RBFOX1: variants seen among roughly 807,000 people sequenced by gnomAD.
RBFOX1 encodes the protein RNA binding fox-1 homolog 1, also known as RNA binding protein fox-1 homolog 1.
RBFOX1 carries 8 observed loss-of-function variants against 57.7 expected under a neutral mutation model. The ratio of observed to expected loss-of-function variants is 0.14; its 90% CI spans 0.08 to 0.25. The LOEUF (loss-of-function observed/expected upper bound fraction) is 0.25. Among genes scored for constraint, RBFOX1 ranks in the 10% least tolerant of loss-of-function variants. RBFOX1 has a pLI of 1.00. For missense variants in RBFOX1, 611 were observed against 548.5 expected, an observed-to-expected ratio of 1.11 and a Z score of -1.14; for synonymous variants, 326 against 222.4, an observed-to-expected ratio of 1.47 and a Z score of -4.15.
At chr16:6,999,562 T>C (rs1419788589) in intron 3 of RBFOX1, among the ~76,000 whole-genome samples, 2 of 152,086 alleles carry the variant, frequency 1.3e-5, no homozygotes, top group African/African-American at 4.8e-5. Flanking sequence ...AGTAGAATAG[T>C]ATACTGATCC....
intron 3 of RBFOX1, among the ~76,000 whole-genome samples, chr16:5,613,720 G>A (rs1440287990): frequency 6.6e-6 from 1 of 152,104 alleles, no homozygotes; most frequent in Non-Finnish European, 1.5e-5. Flanking sequence ...CACAAAAGCA[G>A]TTGATGCCTG....
chr16:6,141,919 T>A (rs917836276), intron 1 of RBFOX1, among the ~76,000 whole-genome samples: 1 of 151,626 alleles, frequency 6.6e-6, no homozygotes, highest in Non-Finnish European at 1.5e-5. Flanking sequence ...ATTAGCCAGG[T>A]ATGGTGGCTC....
At chr16:6,047,849 G>A (rs1192906293) in intron 1 of RBFOX1, among the ~76,000 whole-genome samples, 1 of 152,052 alleles carries the variant, frequency 6.6e-6, no homozygotes, top group Non-Finnish European at 1.5e-5. Context: ...TTTTATGCAT[G>A]AAAAAAATAA....
At chr16:7,065,436 C>T (rs2055738205) in intron 4 of RBFOX1, among the ~76,000 whole-genome samples, 1 of 152,156 alleles carries the variant, frequency 6.6e-6, no homozygotes, top group East Asian at 1.9e-4. Context: ...CCACATGCTC[C>T]ATGGTTTTGC....
intron 3 of RBFOX1, among the ~76,000 whole-genome samples, chr16:6,658,952 T>G (rs1444291813): frequency 3.3e-5 from 5 of 151,330 alleles, no homozygotes; most frequent in Non-Finnish European, 7.4e-5. Flanking sequence ...TTTGTTTTTT[T>G]TTTTCCTCCT....
chr16:6,225,534 C>T (rs2097410086), intron 1 of RBFOX1, among the ~76,000 whole-genome samples: 1 of 152,064 alleles, frequency 6.6e-6, no homozygotes, highest in African/African-American at 2.4e-5. Flanking sequence ...TCCTTTCCCC[C>T]AGGGTTTTAA....
chr16:6,211,243 T>TTTTTTTTTTG, intron 1 of RBFOX1, among the ~76,000 whole-genome samples: 1 of 149,030 alleles, frequency 6.7e-6, no homozygotes, highest in Non-Finnish European at 1.5e-5. Context: ...TTTTTTTTTT[T>TTTTTTTTTTG]TTTGGGATGG....
chr16:5,763,109 G>T (rs755718932), intron 3 of RBFOX1, among the ~76,000 whole-genome samples: 1 of 152,174 alleles, frequency 6.6e-6, no homozygotes, highest in African/African-American at 2.4e-5. Flanking sequence ...ATCAAGACAA[G>T]AAAGTAGAAC....
chr16:7,047,421 T>C (rs2048346206), intron 3 of RBFOX1, among the ~76,000 whole-genome samples: 1 of 152,176 alleles, frequency 6.6e-6, no homozygotes, highest in South Asian at 2.1e-4. Flanking sequence ...TTTAAATCCA[T>C]AGTTCTTTGA....
Position 6,683,188 on chromosome 16 carries a change from C to T in RBFOX1, c.-16+28538C>T, listed in dbSNP as rs2058928629. ...ACACAGAGGACTTACATTAAATTGT[C>T]ACATAAAAAAATAAAAAGGGTGAGA... On this transcript the variant is annotated intron_variant, in intron 3 of 15. Coordinates refer to ENST00000550418, the MANE Select transcript of RBFOX1 (RefSeq NM_018723.4). Among the ~76,000 whole-genome samples the T allele has an allele frequency of 1.3e-5, 2 of 152,062 alleles. 1 individual carries two copies. Among genetic ancestry groups the T allele is most frequent in the South Asian group, 4.2e-4 (2 of 4,814 alleles).
chr16:5,253,760 G>A lies in RBFOX1; in HGVS notation c.219+13655G>A, dbSNP rs189119529. Among the ~76,000 whole-genome samples the A allele has an allele frequency of 2.1e-3, 322 of 152,312 alleles. 2 individuals carry two copies. Among genetic ancestry groups the A allele is most frequent in the African/African-American group, 7.3e-3 (305 of 41,564 alleles). On this transcript the variant is annotated intron_variant, in intron 1 of 2. Transcript: ENST00000585867. The stretch of plus-strand genomic sequence containing the variant: ...TCCACATGTTCATTTGCTCTCTCTG[G>A]CCTCTTTCAGGCTCTTGCACTTCCT...
chr16:6,551,937 T>C (rs1441465377), intron 2 of RBFOX1, among the ~76,000 whole-genome samples: 1 of 152,152 alleles, frequency 6.6e-6, no homozygotes, highest in Admixed American at 6.5e-5. Context: ...TTTTTGAGAG[T>C]TATTTGGATT....
At chr16:6,824,371 A>G (rs2091819386) in intron 3 of RBFOX1, among the ~76,000 whole-genome samples, 1 of 152,218 alleles carries the variant, frequency 6.6e-6, no homozygotes, top group African/African-American at 2.4e-5. Context: ...ATGCTACAGC[A>G]TGCTCCAATC....
chr16:5,679,206 TTCATTTAA>T (rs1186622511), intron 3 of RBFOX1, among the ~76,000 whole-genome samples: 1 of 152,232 alleles, frequency 6.6e-6, no homozygotes, highest in Non-Finnish European at 1.5e-5. Flanking sequence ...AGGGCGCATC[TTCATTTAA>T]TCCAACCAGG....
chr16:7,473,625 C>A (rs1412012292), intron 4 of RBFOX1, among the ~76,000 whole-genome samples: 1 of 151,640 alleles, frequency 6.6e-6, no homozygotes, highest in Non-Finnish European at 1.5e-5. Flanking sequence ...AGCAGCTCCT[C>A]AAACAGTAAT....
intron 5 of RBFOX1, among the ~76,000 whole-genome samples, 192 bp downstream of exon 5, chr16:7,518,581 T>A (rs2076885547): frequency 6.6e-6 from 1 of 152,210 alleles, no homozygotes; most frequent in African/African-American, 2.4e-5. Flanking sequence ...TTCATTTAAA[T>A]CAACGGATTA....
chr16:5,447,378 A>ATCTCTCTCACTCTCTC (rs1555521591), intron 1 of RBFOX1, among the ~76,000 whole-genome samples: 1 of 134,360 alleles, frequency 7.4e-6, no homozygotes, highest in Non-Finnish European at 1.6e-5. Flanking sequence ...CAATCAATCA[A>ATCTCTCTCACTCTCTC]TCTCTCTCTC....
At chr16:5,807,712 C>T (rs375237693) in intron 3 of RBFOX1, among the ~76,000 whole-genome samples, 32 of 152,256 alleles carry the variant, frequency 2.1e-4, no homozygotes, top group African/African-American at 4.3e-4. Context: ...AAGTCTACAT[C>T]GGTGCATCAC....
intron 4 of RBFOX1, among the ~76,000 whole-genome samples, chr16:7,476,024 A>AGT (rs1227078555): frequency 2.0e-5 from 3 of 151,896 alleles, no homozygotes; most frequent in Non-Finnish European, 4.4e-5. Context: ...GGAGTGCAGT[A>AGT]GTTCGATCAT....
Sources: gnomAD v4.1 joint callset for allele counts (sites outside exome capture counted in the v4.1 genomes callset) on GRCh38, gnomAD v4.1.1 for gene constraint, MANE v1.5 for transcripts, NCBI Gene and HGNC (gene_info 2026-07-23, HGNC 2026-07-21) for gene names.